The following PPEF1 variants were observed in gnomAD, a reference collection of about 807,000 sequenced individuals.
The protein encoded by PPEF1 is serine/threonine-protein phosphatase with EF-hands 1.
In PPEF1, 12 loss-of-function variants were observed where a neutral mutation model predicts 53.3. The ratio of observed to expected loss-of-function variants is 0.23; its 90% confidence interval spans 0.14 to 0.36. The LOEUF (loss-of-function observed/expected upper bound fraction) is 0.36, where lower values mean the gene tolerates loss of function less well. Ranked by LOEUF, PPEF1 falls within the 10% of genes least tolerant of loss-of-function variation. The pLI, the probability that PPEF1 is intolerant of heterozygous loss-of-function variation, is 1.00. For synonymous variants in PPEF1, 165 were observed against 176.7 expected, an observed-to-expected ratio of 0.93 and a Z score of 0.52; for missense variants, 334 against 490.4, an observed-to-expected ratio of 0.68 and a Z score of 3.01.
At chrX:18,721,997 G>A (rs999003311) in intron 1 of PPEF1, among the ~76,000 whole-genome samples, 1 of 112,180 alleles carries the variant, frequency 8.9e-6, no homozygotes, top group African/African-American at 3.2e-5. Context: ...GGCTGAGCGA[G>A]CCTCATAAGG....
chrX:18,696,811 C>G (rs1173172805), intron 4 of PPEF1, among the ~76,000 whole-genome samples: 2 of 111,148 alleles, frequency 1.8e-5, no homozygotes, highest in Non-Finnish European at 3.8e-5. Context: ...TGAGCTTCCC[C>G]CCTTTGGTGC....
chrX:18,678,722 G>A (rs377287762), upstream of PPEF1, among the ~76,000 whole-genome samples: 3 of 111,438 alleles, frequency 2.7e-5, no homozygotes, highest in Admixed American at 9.5e-5. Context: ...CCTTCCCCTC[G>A]GCTTTTAGGA....
chrX:18,771,570 A>G (rs2045870333), intron 6 of PPEF1, among the ~76,000 whole-genome samples: 1 of 111,371 alleles, frequency 9.0e-6, no homozygotes, highest in Non-Finnish European at 1.9e-5. Context: ...GAAGTCAAGT[A>G]CGAGACTGAT....
intron 3 of PPEF1, among the ~76,000 whole-genome samples, chrX:18,734,590 C>A (rs763260418): frequency 9.0e-6 from 1 of 111,033 alleles, no homozygotes; most frequent in South Asian, 3.8e-4. Context: ...AATAAACATA[C>A]GTGTGCATGT....
At chrX:18,817,317 T>C (rs889902724) in intron 12 of PPEF1, among the ~76,000 whole-genome samples, 3 of 110,784 alleles carry the variant, frequency 2.7e-5, no homozygotes, top group Non-Finnish European at 5.7e-5. Context: ...TTATATATAT[T>C]ATTCCCATAC....
At chrX:18,819,894 A>G (rs1435124303) in intron 13 of PPEF1, among the ~76,000 whole-genome samples, 1 of 111,780 alleles carries the variant, frequency 8.9e-6, no homozygotes, top group African/African-American at 3.3e-5. Flanking sequence ...AGTTAAATCC[A>G]GACCTACACA....
chrX:18,679,018 A>G (rs1469724439), upstream of PPEF1, among the ~76,000 whole-genome samples: 2 of 111,683 alleles, frequency 1.8e-5, no homozygotes, highest in African/African-American at 6.5e-5. Flanking sequence ...TAGGTTAGGC[A>G]TCTCACATGT....
In PPEF1 at chrX:18,750,232, C is replaced by T. The variant is rs1199026594; in HGVS notation, c.396+280C>T. Among the ~76,000 whole-genome samples the T allele has an allele frequency of 2.7e-5, 3 of 111,542 alleles. No homozygotes were observed. In the Admixed American group the frequency reaches 2.9e-4, roughly 11 times the overall value. On this transcript the variant is annotated intron_variant, in intron 4 of 15. Transcript: ENST00000470157. The stretch of plus-strand genomic sequence containing the variant: ...AGTGTACGACTCAGTGACTTTTTCA[C>T]GCATTCACAGGATTGTGCAACCATC...
In PPEF1 at chrX:18,824,097, CAT is replaced by C. The variant is rs2047116749; in HGVS notation, c.1665+13_1665+14del. ...AAACCTGTACAAGAGGCAAGTGAAA[CAT>C]AGCCCCAGCTAAAACCTAGCCAGGG... On this transcript the variant is annotated intron_variant, in intron 14 of 15. Transcript: ENST00000470157. 3 of 1,178,395 alleles carry C rather than the reference CAT, an allele frequency of 2.5e-6. No homozygotes were observed. Among genetic ancestry groups the C allele is most frequent in the Middle Eastern group, 2.4e-4 (1 of 4,218 alleles).
chrX:18,762,454 C>G (rs2045685996), intron 6 of PPEF1, among the ~76,000 whole-genome samples: 1 of 111,668 alleles, frequency 9.0e-6, no homozygotes, highest in African/African-American at 3.3e-5. Context: ...GATCCAGACC[C>G]CAAGAAAGGA....
intron 4 of PPEF1, among the ~76,000 whole-genome samples, chrX:18,756,735 A>G (rs1233181688): frequency 8.9e-6 from 1 of 112,489 alleles, no homozygotes; most frequent in Non-Finnish European, 1.9e-5. Flanking sequence ...ACCCAGAGAA[A>G]TTATTTTCAT....
Position 18,818,052 on chromosome X carries a change from GA to G in PPEF1, c.1412del (p.Asn471ThrfsTer7). The G allele has an allele frequency of 8.4e-7, 1 of 1,197,140 alleles. No individual in the cohort carries two copies. Among genetic ancestry groups the G allele is most frequent in the South Asian group, 1.8e-5 (1 of 54,678 alleles). On this transcript the variant is annotated frameshift_variant, in exon 13 of 16. Transcript: ENST00000470157. LOFTEE classifies it high-confidence loss of function. ...TTTTCTTTGCAGAGTGGATACTATG[GA>G]AAACAGCGCCATCAAGATATTAAGA... ...QPLRQRVDTM[E>X]NSAIKILRER...
intron 6 of PPEF1, among the ~76,000 whole-genome samples, chrX:18,773,986 A>G (rs1198992915): frequency 8.9e-6 from 1 of 112,361 alleles, no homozygotes; most frequent in South Asian, 3.6e-4. Flanking sequence ...TGCAAGTTTC[A>G]TATTGTCATA....
rs1033922294 is a variant in PPEF1 at position 18,711,645 on chromosome X, C to A, written c.46+3819C>A. Among the ~76,000 whole-genome samples the A allele has an allele frequency of 6.4e-5, 6 of 93,805 alleles. No individual in the cohort carries two copies. In the East Asian group the frequency reaches 1.4e-3, roughly 22 times the overall value. The allele number at this position is 93,805 out of a possible 115,157, so 81.5% of individuals were successfully genotyped here. A position where few individuals can be genotyped will look rare whatever the true frequency, so the allele number is the denominator to read the frequency against. On this transcript the variant is annotated intron_variant, in intron 1 of 15. Coordinates refer to ENST00000470157, the MANE Select transcript of PPEF1 (RefSeq NM_001377996.1). Reference sequence around the variant, plus strand: ...CTTTCCCCATTGAATCCTCTTAGCACCATTGTCAAAAATCAATTGACCATA... The same window carrying A: ...CTTTCCCCATTGAATCCTCTTAGCAACATTGTCAAAAATCAATTGACCATA...
intron 10 of PPEF1, among the ~76,000 whole-genome samples, chrX:18,799,363 G>A (rs1486899741): frequency 1.8e-5 from 2 of 109,539 alleles, no homozygotes; most frequent in Non-Finnish European, 3.8e-5. Context: ...CTGAGATCAC[G>A]CCATTGCACT....
chrX:18,766,811 G>A (rs2045783726), intron 6 of PPEF1, among the ~76,000 whole-genome samples: 1 of 112,355 alleles, frequency 8.9e-6, no homozygotes, highest in South Asian at 3.7e-4. Context: ...CACTTTGAGA[G>A]GCTGAGGCGG....
chrX:18,732,445 C>T (rs2044859477), intron 2 of PPEF1, among the ~76,000 whole-genome samples: 1 of 112,303 alleles, frequency 8.9e-6, no homozygotes, highest in Admixed American at 9.5e-5. Flanking sequence ...TGTTCCAAAG[C>T]AGCTCCATCG....
chrX:18,703,822 G>A (rs1323385405), upstream of PPEF1, among the ~76,000 whole-genome samples: 1 of 109,782 alleles, frequency 9.1e-6, no homozygotes, highest in Non-Finnish European at 1.9e-5. Context: ...AAAGAAAATC[G>A]AAATTGAAAT....
intron 3 of PPEF1, among the ~76,000 whole-genome samples, chrX:18,743,605 A>G (rs750691955): frequency 1.3e-4 from 14 of 108,132 alleles, no homozygotes; most frequent in Non-Finnish European, 2.3e-4. Flanking sequence ...ATGTGCCACC[A>G]CGCCTGGCTA....
Sources: allele counts gnomAD v4.1 joint callset (sites outside exome capture counted in the v4.1 genomes callset), GRCh38; gene constraint gnomAD v4.1.1; transcripts MANE v1.5; gene names NCBI Gene and HGNC (gene_info 2026-07-23, HGNC 2026-07-21).